Variants in STX8 observed in about 807,000 individuals in gnomAD.
The protein encoded by STX8 is syntaxin-8.
In STX8, 23 loss-of-function variants were observed where a neutral mutation model predicts 37.5. The ratio of observed to expected loss-of-function variants is 0.61; its 90% CI spans 0.44 to 0.87. The LOEUF (loss-of-function observed/expected upper bound fraction) is 0.87. Among genes scored for constraint, STX8 ranks in the 40% least tolerant of loss-of-function variants. STX8 has a pLI of 0.00. For synonymous variants in STX8, 115 were observed against 99.1 expected, an observed-to-expected ratio of 1.16 and a Z score of -0.95; for missense variants, 313 against 284.7, an observed-to-expected ratio of 1.10 and a Z score of -0.71.
chr17:9,253,207 G>GTGTGTGT (rs1555582915), intron 7 of STX8, among the ~76,000 whole-genome samples: 6 of 140,940 alleles, frequency 4.3e-5, no homozygotes, highest in Non-Finnish European at 7.7e-5. Flanking sequence ...CAGGGGTAGG[G>GTGTGTGT]GTGTGTGTGT....
chr17:9,312,745 G>C (rs923807581), intron 7 of STX8, among the ~76,000 whole-genome samples: 1 of 152,300 alleles, frequency 6.6e-6, no homozygotes, highest in South Asian at 2.1e-4. Flanking sequence ...ACATTACAGA[G>C]AGGAATTTTT....
At chr17:9,556,053 G>C (rs1037896088) in intron 3 of STX8, among the ~76,000 whole-genome samples, 2 of 152,104 alleles carry the variant, frequency 1.3e-5, no homozygotes, top group African/African-American at 4.8e-5. Context: ...TTCCAATTGC[G>C]TTAAAAATAA....
Position 9,487,814 on chromosome 17 carries a change from G to A in STX8, c.541+4015C>T, listed in dbSNP as rs372704345. Among the ~76,000 whole-genome samples the A allele has an allele frequency of 8.5e-5, 13 of 152,286 alleles. No homozygotes were observed. The South Asian group carries it at 1.5e-3, about 17-fold the overall frequency. On this transcript the variant is annotated intron_variant, in intron 6 of 7. Transcript: ENST00000306357. ...TGACTGTGATGCTGTGTATATACAC[G>A]TCGCCACGTGGATGCGCTTCTGTGC...
chr17:9,445,495 G>A (rs1158550867), intron 6 of STX8, among the ~76,000 whole-genome samples: 9 of 65,558 alleles, frequency 1.4e-4, no homozygotes, highest in African/African-American at 1.8e-4. Flanking sequence ...GCCGGGGAGG[G>A]GGGGATGGTG....
At chr17:9,498,383 C>T (rs1288924659) in intron 5 of STX8, among the ~76,000 whole-genome samples, 3 of 142,864 alleles carry the variant, frequency 2.1e-5, no homozygotes, top group East Asian at 2.0e-4. Context: ...GAGTGAGACA[C>T]CATCTCAAAA....
chr17:9,471,127 C>T (rs1333341404), intron 6 of STX8, among the ~76,000 whole-genome samples: 11 of 134,296 alleles, frequency 8.2e-5, no homozygotes, highest in Admixed American at 1.6e-4. Context: ...CTCCGCCTCC[C>T]GGGGCGTGAG....
chr17:9,298,173 C>T (rs1438248339), intron 7 of STX8, among the ~76,000 whole-genome samples: 1 of 152,020 alleles, frequency 6.6e-6, no homozygotes, highest in African/African-American at 2.4e-5. Flanking sequence ...CTGTTTCTGA[C>T]GTGGGAGCAT....
chr17:9,342,497 C>T (rs1910395848), intron 7 of STX8, among the ~76,000 whole-genome samples: 1 of 152,118 alleles, frequency 6.6e-6, no homozygotes, highest in Non-Finnish European at 1.5e-5. Flanking sequence ...GCAGTAGGCA[C>T]TGGAGGAGGA....
At chr17:9,368,888 CTCCTATACTCTTAAG>C (rs1270411837) in intron 7 of STX8, among the ~76,000 whole-genome samples, 6 of 151,882 alleles carry the variant, frequency 4.0e-5, no homozygotes, top group Non-Finnish European at 7.4e-5. Context: ...TGTCCCCTCT[CTCCTATACTCTTAAG>C]TCCTATCTAC....
chr17:9,360,663 T>TAA (rs59129684), intron 7 of STX8, among the ~76,000 whole-genome samples: 38,024 of 133,168 alleles, frequency 0.29, 5,845 homozygotes, highest in Non-Finnish European at 0.36. Context: ...TTATTAGTGT[T>TAA]AAAAAAAAAA....
chr17:9,330,505 C>T (rs1390877706), intron 7 of STX8, among the ~76,000 whole-genome samples: 1 of 152,204 alleles, frequency 6.6e-6, no homozygotes, highest in Non-Finnish European at 1.5e-5. Flanking sequence ...GATGTATGAA[C>T]AGGGCTCTGG....
At chr17:9,530,966 A>G (rs1398417890) in intron 4 of STX8, among the ~76,000 whole-genome samples, 1 of 152,202 alleles carries the variant, frequency 6.6e-6, no homozygotes, top group Non-Finnish European at 1.5e-5. Context: ...TAGATCTATA[A>G]TCCTTTTGGA....
chr17:9,315,419 A>G (rs1909351216), intron 7 of STX8, among the ~76,000 whole-genome samples: 1 of 152,216 alleles, frequency 6.6e-6, no homozygotes, highest in Non-Finnish European at 1.5e-5. Context: ...CAGAGGCTGC[A>G]CGCAGCATGC....
intron 6 of STX8, among the ~76,000 whole-genome samples, chr17:9,385,359 A>G (rs1911958876): frequency 6.6e-6 from 1 of 152,298 alleles, no homozygotes; most frequent in South Asian, 2.1e-4. Flanking sequence ...CAAAGATACT[A>G]TTACAAAAAT....
chr17:9,497,090 C>A (rs1228234772), intron 5 of STX8, among the ~76,000 whole-genome samples: 1 of 152,154 alleles, frequency 6.6e-6, no homozygotes, highest in East Asian at 1.9e-4. Context: ...TATCTGTAGA[C>A]ATTCAGAAAT....
chr17:9,349,321 T>C (rs561077259), intron 7 of STX8, among the ~76,000 whole-genome samples: 24 of 144,612 alleles, frequency 1.7e-4, no homozygotes, highest in East Asian at 5.9e-4. Context: ...CTTTTCTTTT[T>C]TTTTTTTTTT....
intron 6 of STX8, among the ~76,000 whole-genome samples, chr17:9,442,394 C>G (rs1597675052): frequency 6.6e-6 from 1 of 152,094 alleles, no homozygotes; most frequent in African/African-American, 2.4e-5. Context: ...ACATTACTCC[C>G]AAGCCATAGT....
intron 4 of STX8, among the ~76,000 whole-genome samples, chr17:9,522,704 T>C (rs548307536): frequency 2.7e-5 from 4 of 150,836 alleles, no homozygotes; most frequent in Non-Finnish European, 4.4e-5. Flanking sequence ...AGAGCGAGAC[T>C]CCATCTCAAA....
chr17:9,506,833 T>A (rs1432678319), intron 4 of STX8, among the ~76,000 whole-genome samples: 4 of 152,036 alleles, frequency 2.6e-5, no homozygotes, highest in Non-Finnish European at 4.4e-5. Flanking sequence ...TACTACAGCA[T>A]GGCGCCATCT....
Sources: gnomAD v4.1 joint callset for allele counts (sites outside exome capture counted in the v4.1 genomes callset) on GRCh38, gnomAD v4.1.1 for gene constraint, MANE v1.5 for transcripts, NCBI Gene and HGNC (gene_info 2026-07-23, HGNC 2026-07-21) for gene names.